The following STPG2 variants were observed in gnomAD, a reference collection of about 807,000 sequenced individuals.
STPG2 encodes sperm tail PG-rich repeat containing 2.
STPG2 carries 56 observed loss-of-function variants against 54.2 expected under a neutral mutation model. The observed-to-expected ratio is 1.03, with a 90% CI of 0.83 to 1.29. The LOEUF (loss-of-function observed/expected upper bound fraction) is 1.29. Among genes scored for constraint, STPG2 ranks in the 50% most tolerant of loss-of-function variants. STPG2 has a pLI of 0.00. For synonymous variants in STPG2, 200 were observed against 181.8 expected (o/e 1.10, Z -0.81); for missense variants, 596 against 544.9 (o/e 1.09, Z -0.93).
chr4:97,714,277 T>C (rs2149009552), intron 9 of STPG2, among the ~76,000 whole-genome samples: 1 of 152,316 alleles, frequency 6.6e-6, no homozygotes. Flanking sequence ...TTTTTAATGT[T>C]TTTAGCTTCA....
At chr4:97,614,742 T>C (rs1031003034) in intron 10 of STPG2, among the ~76,000 whole-genome samples, 2 of 152,154 alleles carry the variant, frequency 1.3e-5, no homozygotes, top group Admixed American at 1.3e-4. Context: ...AGAATCCTAC[T>C]TGTTGAAAAT....
chr4:97,563,905 A>C (rs1732338367), intron 10 of STPG2, among the ~76,000 whole-genome samples: 1 of 152,162 alleles, frequency 6.6e-6, no homozygotes, highest in African/African-American at 2.4e-5. Context: ...AAAAATATAT[A>C]TTCTGTTGAT....
intron 5 of STPG2, among the ~76,000 whole-genome samples, chr4:98,031,211 T>A (rs937804979): frequency 6.6e-6 from 1 of 152,168 alleles, no homozygotes; most frequent in Non-Finnish European, 1.5e-5. Context: ...ATGTAGAGAA[T>A]GAAATTGGAT....
At chr4:97,904,041 C>T (rs193189619) in intron 8 of STPG2, among the ~76,000 whole-genome samples, 4 of 152,190 alleles carry the variant, frequency 2.6e-5, no homozygotes, top group African/African-American at 7.2e-5. Context: ...CCAGCATTGC[C>T]CAGGCTTGCT....
Position 97,972,359 on chromosome 4 carries a change from G to A in STPG2, c.854C>T (p.Ala285Val), listed in dbSNP as rs1239597818. 6 of 1,609,350 alleles carry A rather than the reference G, an allele frequency of 3.7e-6. No individual in the cohort carries two copies. The East Asian group carries it at 1.3e-4, about 36-fold the overall frequency. The change falls in exon 7 of 11, where the codon GCA becomes GTA. Residue 285 changes from alanine (A) to valine (V), a missense_variant. Physicochemically the swap from Ala to Val is moderately conservative, Grantham distance 64 (BLOSUM62 0). Transcript: ENST00000295268. The part of the protein sequence containing the change: ...NICSKKQKKS[A>V]FGSSVPRTFF... ...AGTCCGAGGAACAGAAGAACCAAAT[G>A]CACTTTTCTTCTGTTTCTTTGAGCA...
intron 4 of STPG2, among the ~76,000 whole-genome samples, chr4:97,449,422 A>C (rs948958244): frequency 6.6e-6 from 1 of 152,180 alleles, no homozygotes; most frequent in African/African-American, 2.4e-5. Context: ...CATTCAACAT[A>C]TCAATGAAAA....
intron 5 of STPG2, among the ~76,000 whole-genome samples, chr4:98,037,071 C>A (rs1392120186): frequency 6.6e-6 from 1 of 151,852 alleles, no homozygotes; most frequent in South Asian, 2.1e-4. Flanking sequence ...AGAAGAAACA[C>A]CCAGGCCCAG....
At chr4:97,781,587 CCAT>C (rs1726614986) in intron 9 of STPG2, among the ~76,000 whole-genome samples, 1 of 152,108 alleles carries the variant, frequency 6.6e-6, no homozygotes, top group South Asian at 2.1e-4. Context: ...TTTTATGAGG[CCAT>C]CATCATCCTG....
At chr4:97,725,743 G>T (rs1350355075) in intron 9 of STPG2, among the ~76,000 whole-genome samples, 1 of 151,428 alleles carries the variant, frequency 6.6e-6, no homozygotes, top group African/African-American at 2.4e-5. Context: ...ACAAAATACA[G>T]ATTGCTTAAA....
chr4:98,064,838 C>CA (rs113619225), intron 5 of STPG2, among the ~76,000 whole-genome samples: 11,560 of 151,924 alleles, frequency 0.076, 491 homozygotes, highest in African/African-American at 0.1. Flanking sequence ...TATTAGATAA[C>CA]AAAAAAACAC....
At chr4:97,719,140 C>A (rs1441166497) in intron 9 of STPG2, among the ~76,000 whole-genome samples, 3 of 151,918 alleles carry the variant, frequency 2.0e-5, no homozygotes, top group Non-Finnish European at 4.4e-5. Flanking sequence ...TGGTTAATTA[C>A]AACCAAGATA....
At chr4:97,718,945 C>A (rs1242495854) in intron 9 of STPG2, among the ~76,000 whole-genome samples, 1 of 151,856 alleles carries the variant, frequency 6.6e-6, no homozygotes, top group Non-Finnish European at 1.5e-5. Flanking sequence ...CAAAGTACTC[C>A]AAAATCTGAA....
At chr4:97,943,109 C>CT (rs1733053269) in intron 8 of STPG2, among the ~76,000 whole-genome samples, 1 of 152,130 alleles carries the variant, frequency 6.6e-6, no homozygotes, top group African/African-American at 2.4e-5. Context: ...AGTATCTTCT[C>CT]TGAGTCCTCA....
At chr4:97,632,845 A>C (rs1278452414) in intron 10 of STPG2, among the ~76,000 whole-genome samples, 2 of 152,192 alleles carry the variant, frequency 1.3e-5, no homozygotes, top group South Asian at 2.1e-4. Context: ...ATATCCTATA[A>C]TTAGAAGCTT....
chr4:97,898,383 T>A (rs114187620), intron 8 of STPG2, among the ~76,000 whole-genome samples: 56,278 of 151,308 alleles, frequency 0.37, 10,475 homozygotes, highest in Middle Eastern at 0.45. Flanking sequence ...ACAGAATTGT[T>A]GGAAATGAGG....
chr4:97,828,933 G>A (rs1381963039), intron 9 of STPG2, among the ~76,000 whole-genome samples: 1 of 152,116 alleles, frequency 6.6e-6, no homozygotes. Flanking sequence ...AGGAAGGGGT[G>A]GCTATGGGCA....
intron 5 of STPG2, among the ~76,000 whole-genome samples, chr4:98,080,864 C>T (rs1485480057): frequency 6.6e-6 from 1 of 152,150 alleles, no homozygotes; most frequent in Non-Finnish European, 1.5e-5. Flanking sequence ...TGTTTACCAA[C>T]CAATTATTGA....
At chr4:98,025,674 C>G in intron 5 of STPG2, 1 of 1,043,528 alleles carries the variant, frequency 9.6e-7, no homozygotes, top group Non-Finnish European at 1.5e-6. Context: ...AATTATGTTG[C>G]AGCGTATTGT....
chr4:98,128,436 GT>G lies in STPG2; in HGVS notation c.378del (p.Lys126AsnfsTer11). The G allele has an allele frequency of 6.3e-7, 1 of 1,597,852 alleles. No homozygotes were observed. Among genetic ancestry groups the G allele is most frequent in the Non-Finnish European group, 8.5e-7 (1 of 1,175,174 alleles). ...AAATACATTATACTTACAAATTGAG[GT>G]TTGTAGTATGCTGGACCAAGTGTAC... is the stretch of plus-strand genomic sequence containing the variant. Reference protein sequence around the residue: ...CDSTLGPAYYKPQFDVSNATL... With the variant: ...CDSTLGPAYYXPQFDVSNATL... On this transcript the variant is annotated frameshift_variant, in exon 3 of 11. Transcript: ENST00000295268. LOFTEE classifies it high-confidence loss of function.
Sources: allele counts gnomAD v4.1 joint callset (sites outside exome capture counted in the v4.1 genomes callset), GRCh38; gene constraint gnomAD v4.1.1; transcripts MANE v1.5; gene names NCBI Gene and HGNC (gene_info 2026-07-23, HGNC 2026-07-21).